WWOX: variants seen among roughly 807,000 people sequenced by gnomAD.
WWOX encodes WW domain containing oxidoreductase.
WWOX carries 69 observed loss-of-function variants against 46.2 expected under a neutral mutation model. The ratio of observed to expected loss-of-function variants is 1.49; its 90% CI spans 1.23 to 1.82. The LOEUF is 1.82. Ranked by LOEUF, WWOX falls within the 40% of genes most tolerant of loss-of-function variation. The probability of loss-of-function intolerance (pLI) is 0.00; values close to 1 mark genes in which losing one functional copy is unlikely to be tolerated. For missense variants in WWOX, 919 were observed against 542.6 expected (o/e 1.69, Z -6.89); for synonymous variants, 359 against 202.6 (o/e 1.77, Z -6.56).
intron 4 of WWOX, among the ~76,000 whole-genome samples, chr16:78,148,001 G>T (rs1348979431): frequency 3.3e-5 from 5 of 151,834 alleles, no homozygotes; most frequent in Non-Finnish European, 7.4e-5. Context: ...AAATCATAAA[G>T]AACCCTGTCT....
intron 8 of WWOX, among the ~76,000 whole-genome samples, chr16:78,986,235 G>A (rs1235450822): frequency 2.0e-5 from 3 of 152,186 alleles, no homozygotes; most frequent in African/African-American, 7.2e-5. Context: ...GGGGATGATA[G>A]AAAAACTTAT....
intron 8 of WWOX, among the ~76,000 whole-genome samples, chr16:78,987,410 C>T (rs777533587): frequency 6.6e-6 from 1 of 152,168 alleles, no homozygotes; most frequent in Non-Finnish European, 1.5e-5. Flanking sequence ...CAAGTTTGTT[C>T]ATGCTGGAGC....
intron 6 of WWOX, among the ~76,000 whole-genome samples, 193 bp downstream of exon 6, chr16:78,387,141 A>G (rs572039871): frequency 6.6e-6 from 1 of 152,214 alleles, no homozygotes. Context: ...GAGATGTGTC[A>G]TCAATCTAAT....
At chr16:78,687,342 C>G (rs1303293433) in intron 8 of WWOX, among the ~76,000 whole-genome samples, 1 of 152,142 alleles carries the variant, frequency 6.6e-6, no homozygotes, top group Non-Finnish European at 1.5e-5. Flanking sequence ...AGCATTGTAC[C>G]TATCGAAAGA....
chr16:78,755,186 G>A (rs1420538588), intron 8 of WWOX, among the ~76,000 whole-genome samples: 1 of 148,548 alleles, frequency 6.7e-6, no homozygotes, highest in African/African-American at 2.5e-5. Flanking sequence ...TGCATGTTCT[G>A]CACATGTATC....
At chr16:78,756,750 G>A (rs1206202000) in intron 8 of WWOX, among the ~76,000 whole-genome samples, 1 of 152,144 alleles carries the variant, frequency 6.6e-6, no homozygotes, top group African/African-American at 2.4e-5. Context: ...TCAAACCTAA[G>A]TTGGGGAATG....
chr16:78,203,557 G>T (rs1238787438), intron 5 of WWOX, among the ~76,000 whole-genome samples: 2 of 152,050 alleles, frequency 1.3e-5, no homozygotes, highest in Admixed American at 6.5e-5. Flanking sequence ...AATATAATTA[G>T]GCAAACTTGT....
chr16:78,416,912 G>A (rs563179566), intron 6 of WWOX, among the ~76,000 whole-genome samples: 2 of 152,322 alleles, frequency 1.3e-5, no homozygotes, highest in East Asian at 3.9e-4. Flanking sequence ...AACTGGCCAT[G>A]AGTCAGGTAA....
intron 8 of WWOX, among the ~76,000 whole-genome samples, chr16:79,156,958 C>G (rs574122491): frequency 1.3e-5 from 2 of 152,290 alleles, no homozygotes; most frequent in East Asian, 3.9e-4. Context: ...GAATGAGGTT[C>G]TTTGATGATT....
At chr16:78,328,708 A>G (rs1410297718) in intron 5 of WWOX, among the ~76,000 whole-genome samples, 1 of 152,330 alleles carries the variant, frequency 6.6e-6, no homozygotes, top group Non-Finnish European at 1.5e-5. Context: ...TTTGACAAGC[A>G]GTCTGGGACT....
At chr16:78,384,121 A>G (rs779368229) in intron 5 of WWOX, among the ~76,000 whole-genome samples, 8 of 152,174 alleles carry the variant, frequency 5.3e-5, no homozygotes, top group East Asian at 1.9e-4. Context: ...AAATACATAC[A>G]TGCGTTTTTA....
At chr16:79,160,507 G>A (rs2050464573) in intron 8 of WWOX, among the ~76,000 whole-genome samples, 1 of 152,162 alleles carries the variant, frequency 6.6e-6, no homozygotes, top group South Asian at 2.1e-4. Context: ...CTGCTCTAAG[G>A]ATTAAATACA....
At chr16:78,844,410 T>C (rs766085603) in intron 8 of WWOX, among the ~76,000 whole-genome samples, 1 of 152,060 alleles carries the variant, frequency 6.6e-6, no homozygotes, top group Non-Finnish European at 1.5e-5. Context: ...GTGGTACCAG[T>C]GGGTTACGAT....
chr16:79,146,031 C>T (rs2050176922), intron 8 of WWOX, among the ~76,000 whole-genome samples: 1 of 152,090 alleles, frequency 6.6e-6, no homozygotes. Context: ...TATTTTCTAA[C>T]CCTTAGTTCT....
At chr16:79,093,600 G>T (rs543025385) in intron 8 of WWOX, among the ~76,000 whole-genome samples, 1 of 152,156 alleles carries the variant, frequency 6.6e-6, no homozygotes, top group Non-Finnish European at 1.5e-5. Context: ...CAGGCCTCCA[G>T]TGCCCGGTGC....
intron 8 of WWOX, among the ~76,000 whole-genome samples, chr16:78,512,808 A>T (rs1426595449): frequency 2.6e-5 from 4 of 152,226 alleles, no homozygotes; most frequent in African/African-American, 9.7e-5. Flanking sequence ...TTTGAAATTG[A>T]ATTTAAAAAC....
chr16:79,180,083 T>C (rs895817497), intron 8 of WWOX, among the ~76,000 whole-genome samples: 3 of 151,708 alleles, frequency 2.0e-5, no homozygotes, highest in South Asian at 2.1e-4. Flanking sequence ...TGTGCACTTT[T>C]GCCCAGTTCA....
intron 8 of WWOX, among the ~76,000 whole-genome samples, chr16:78,675,432 T>A (rs1027142541): frequency 2.0e-5 from 3 of 152,354 alleles, no homozygotes; most frequent in South Asian, 2.1e-4. Context: ...TTTAATCTAA[T>A]TTATTGGTTA....
intron 6 of WWOX, among the ~76,000 whole-genome samples, chr16:78,405,897 C>G (rs1165133834): frequency 6.6e-6 from 1 of 152,124 alleles, no homozygotes; most frequent in Non-Finnish European, 1.5e-5. Flanking sequence ...TGAGTTTTCC[C>G]TGTCACGCCA....
Sources: allele counts gnomAD v4.1 joint callset (sites outside exome capture counted in the v4.1 genomes callset), GRCh38; gene constraint gnomAD v4.1.1; transcripts MANE v1.5; gene names NCBI Gene and HGNC (gene_info 2026-07-23, HGNC 2026-07-21).